NCAM2: variants seen among roughly 807,000 people sequenced by gnomAD.
NCAM2 encodes N-CAM-2.
NCAM2 carries 30 observed loss-of-function variants against 98.1 expected under a neutral mutation model. That is an observed-to-expected ratio of 0.31 (90% confidence interval 0.23 to 0.41). The LOEUF (loss-of-function observed/expected upper bound fraction) is 0.41. Among genes scored for constraint, NCAM2 ranks in the 10% least tolerant of loss-of-function variants. The pLI, the probability that NCAM2 is intolerant of heterozygous loss-of-function variation, is 1.00. For synonymous variants in NCAM2, 368 were observed against 342.4 expected, an observed-to-expected ratio of 1.07 and a Z score of -0.83; for missense variants, 867 against 1,005.8, an observed-to-expected ratio of 0.86 and a Z score of 1.87.
intron 12 of NCAM2, among the ~76,000 whole-genome samples, chr21:21,459,326 T>C (rs969546810): frequency 3.3e-5 from 5 of 151,852 alleles, no homozygotes; most frequent in African/African-American, 1.2e-4. Context: ...TGTGTACGTC[T>C]ATGTTCTTTG....
intron 12 of NCAM2, among the ~76,000 whole-genome samples, chr21:21,464,473 T>C: frequency 6.6e-6 from 1 of 152,202 alleles, no homozygotes; most frequent in Non-Finnish European, 1.5e-5. Flanking sequence ...ATTTTTAAAC[T>C]CTTGTTAAAG....
chr21:21,075,335 A>G (rs1384685176), intron 1 of NCAM2, among the ~76,000 whole-genome samples: 2 of 152,140 alleles, frequency 1.3e-5, no homozygotes, highest in African/African-American at 2.4e-5. Context: ...TTAAAGTATA[A>G]TTTTTTTAAA....
rs370155030 is a variant in NCAM2, at chr21:21,088,774, C to T, written c.55+90156C>T. ...TTGGGAGGCCGAGGCAGGCGGATCA[C>T]GAGGTCAGGAGATCGAGACCGTGTC... On this transcript the variant is annotated intron_variant, in intron 1 of 17. Coordinates refer to ENST00000400546, the MANE Select transcript of NCAM2 (RefSeq NM_004540.5). Among the ~76,000 whole-genome samples the T allele has an allele frequency of 1.2e-4, 19 of 152,058 alleles. No individual in the cohort carries two copies. The East Asian group carries it at 1.7e-3, about 14-fold the overall frequency.
intron 1 of NCAM2, among the ~76,000 whole-genome samples, chr21:21,138,902 A>C (rs2067114292): frequency 1.3e-5 from 2 of 152,182 alleles, no homozygotes; most frequent in African/African-American, 4.8e-5. Flanking sequence ...TTTGTCATAC[A>C]TATTCATCAT....
chr21:21,035,794 C>T (rs1202364725), intron 1 of NCAM2, among the ~76,000 whole-genome samples: 1 of 152,058 alleles, frequency 6.6e-6, no homozygotes, highest in African/African-American at 2.4e-5. Flanking sequence ...TTGCAAAGAG[C>T]TTTTGGAAGA....
rs73316717 is a variant in NCAM2 at position 21,214,188 on chromosome 21, T to C, written c.56-66390T>C. On this transcript the variant is annotated intron_variant, in intron 1 of 17. Transcript: ENST00000400546. ...ATTTTGTGCTTTCCACTTATTTTTG[T>C]GTAGCTTTGCGATTTTTGAGAATTA... Among the ~76,000 whole-genome samples the C allele has an allele frequency of 9.2e-3, 1,403 of 152,314 alleles. 28 individuals are homozygous for C. The highest frequency in any genetic ancestry group is 0.033 in the African/African-American group (1,356 of 41,574).
intron 8 of NCAM2, among the ~76,000 whole-genome samples, chr21:21,362,005 C>T (rs2075659132): frequency 6.6e-6 from 1 of 152,066 alleles, no homozygotes; most frequent in Admixed American, 6.6e-5. Flanking sequence ...ATATTTTTAG[C>T]AAATTTTATT....
intron 1 of NCAM2, among the ~76,000 whole-genome samples, chr21:21,178,025 G>T (rs898971868): frequency 6.6e-6 from 1 of 152,010 alleles, no homozygotes; most frequent in African/African-American, 2.4e-5. Context: ...GATGGAATAG[G>T]AATTAAGGTC....
chr21:21,182,412 G>C (rs1170568194), intron 1 of NCAM2, among the ~76,000 whole-genome samples: 1 of 152,122 alleles, frequency 6.6e-6, no homozygotes. Flanking sequence ...GTTGAGTGTG[G>C]TTACTATTTT....
chr21:21,388,716 G>A (rs2076319771), intron 9 of NCAM2, among the ~76,000 whole-genome samples: 1 of 152,174 alleles, frequency 6.6e-6, no homozygotes, highest in African/African-American at 2.4e-5. Flanking sequence ...CTTTTAAGTA[G>A]TTTTGGAACA....
intron 1 of NCAM2, among the ~76,000 whole-genome samples, chr21:21,094,459 A>G (rs1196657540): frequency 2.0e-5 from 3 of 151,892 alleles, no homozygotes; most frequent in Admixed American, 1.3e-4. Context: ...GCTAAACAAT[A>G]TACTCAGACA....
chr21:21,060,360 A>G (rs1174379027), intron 1 of NCAM2, among the ~76,000 whole-genome samples: 2 of 152,096 alleles, frequency 1.3e-5, no homozygotes, highest in African/African-American at 2.4e-5. Context: ...ATATCTGTGT[A>G]TGGGTTCTGT....
chr21:21,081,627 C>T (rs1360605863), intron 1 of NCAM2, among the ~76,000 whole-genome samples: 2 of 133,060 alleles, frequency 1.5e-5, no homozygotes, highest in Non-Finnish European at 3.3e-5. Context: ...ATGGTGAAAC[C>T]CCATCTCTAC....
At chr21:21,099,066 A>G (rs2066184475) in intron 1 of NCAM2, among the ~76,000 whole-genome samples, 1 of 151,890 alleles carries the variant, frequency 6.6e-6, no homozygotes, top group South Asian at 2.1e-4. Context: ...TCTGTTAATG[A>G]GCTAGTGTCC....
At chr21:21,514,329 A>T (rs1286193211) in intron 16 of NCAM2, among the ~76,000 whole-genome samples, 1 of 151,710 alleles carries the variant, frequency 6.6e-6, no homozygotes, top group Admixed American at 6.6e-5. Flanking sequence ...TACAAACATT[A>T]GCTAGGCATG....
chr21:21,252,544 T>C (rs2071513751), intron 1 of NCAM2, among the ~76,000 whole-genome samples: 1 of 152,022 alleles, frequency 6.6e-6, no homozygotes, highest in Non-Finnish European at 1.5e-5. Flanking sequence ...AAAGAAAATT[T>C]TTCAAAACTG....
chr21:21,351,508 T>G (rs1218005565), intron 8 of NCAM2, among the ~76,000 whole-genome samples: 1 of 152,162 alleles, frequency 6.6e-6, no homozygotes, highest in African/African-American at 2.4e-5. Context: ...GAATATGAAA[T>G]AGCCATAAGT....
intron 1 of NCAM2, among the ~76,000 whole-genome samples, chr21:21,154,346 A>C (rs2067543905): frequency 6.6e-6 from 1 of 151,916 alleles, no homozygotes; most frequent in African/African-American, 2.4e-5. Flanking sequence ...CCAACTATAA[A>C]TATGTTTTGG....
intron 1 of NCAM2, among the ~76,000 whole-genome samples, chr21:21,012,941 T>TAATCA (rs1407987857): frequency 2.6e-5 from 4 of 152,178 alleles, no homozygotes; most frequent in African/African-American, 9.7e-5. Context: ...ATGACAAACT[T>TAATCA]AATCAATTTA....
Sources: allele counts gnomAD v4.1 joint callset (sites outside exome capture counted in the v4.1 genomes callset), GRCh38; gene constraint gnomAD v4.1.1; transcripts MANE v1.5; gene names NCBI Gene and HGNC (gene_info 2026-07-23, HGNC 2026-07-21).